GSE1: variants seen among roughly 807,000 people sequenced by gnomAD.
GSE1 encodes the protein Gse1 coiled-coil protein.
GSE1 carries 32 observed loss-of-function variants against 112.6 expected under a neutral mutation model. The observed-to-expected ratio is 0.28, with a 90% confidence interval of 0.21 to 0.38. The LOEUF (loss-of-function observed/expected upper bound fraction) is 0.38, where lower values mean the gene tolerates loss of function less well. Ranked by LOEUF, GSE1 falls within the 10% of genes least tolerant of loss-of-function variation. The probability of loss-of-function intolerance (pLI) is 1.00; values close to 1 mark genes in which losing one functional copy is unlikely to be tolerated. For missense variants in GSE1, 2,348 were observed against 1,699.2 expected, an observed-to-expected ratio of 1.38 and a Z score of -6.71; for synonymous variants, 1,115 against 735.6, an observed-to-expected ratio of 1.52 and a Z score of -8.35.
chr16:85,505,080 T>C (rs899105676), intron 2 of GSE1, among the ~76,000 whole-genome samples: 10 of 152,192 alleles, frequency 6.6e-5, no homozygotes, highest in Non-Finnish European at 1.3e-4. Flanking sequence ...CAAATTTGCC[T>C]TCTCCTTTTC....
At chr16:85,613,516 C>T in intron 1 of GSE1, 118 bp downstream of exon 1, 1 of 941,894 alleles carries the variant, frequency 1.1e-6, no homozygotes, top group Non-Finnish European at 1.6e-6. Context: ...GGCAACTTCC[C>T]CGGAGTGTTA....
chr16:85,637,264 G>A (rs966676077), intron 2 of GSE1, among the ~76,000 whole-genome samples: 29 of 152,340 alleles, frequency 1.9e-4, no homozygotes, highest in Admixed American at 1.3e-3. Context: ...GGGCTGGCGC[G>A]GTGCGTGTCT....
intron 1 of GSE1, among the ~76,000 whole-genome samples, chr16:85,330,356 G>T (rs141884585): frequency 6.6e-6 from 1 of 152,350 alleles, no homozygotes; most frequent in Non-Finnish European, 1.5e-5. Flanking sequence ...GAACGCAGGG[G>T]CCTGGAGAAG....
Position 85,657,362 on chromosome 16 carries a change from C to A in GSE1, c.1398C>A (p.Pro466=). 1 of 1,612,354 alleles carries A rather than the reference C, an allele frequency of 6.2e-7. No individual in the cohort carries two copies. Among genetic ancestry groups the A allele is most frequent in the Middle Eastern group, 1.7e-4 (1 of 6,054 alleles). Residue 466 remains proline (P), a synonymous_variant, in exon 8 of 16, where the codon CCC becomes CCA. Coordinates refer to ENST00000253458, the MANE Select transcript of GSE1 (RefSeq NM_014615.5). ...TGCCCACCCCACACCACACGGTGCC[C>A]AGCCTCATCTCCAACCATGGCATCT... ...HPVPTPHHTV[P]SLISNHGIFS...
intron 2 of GSE1, among the ~76,000 whole-genome samples, chr16:85,412,601 A>C (rs71372921): frequency 4.2e-4 from 1 of 2,402 alleles, no homozygotes. Flanking sequence ...CACTCAGGGC[A>C]CCTGGATAAT....
chr16:85,635,457 A>G (rs1209317307), intron 2 of GSE1, among the ~76,000 whole-genome samples: 2 of 152,196 alleles, frequency 1.3e-5, no homozygotes, highest in African/African-American at 4.8e-5. Context: ...GCTGCAGGCA[A>G]GATGGCTCAG....
intron 2 of GSE1, among the ~76,000 whole-genome samples, chr16:85,395,556 C>A (rs915349364): frequency 6.6e-6 from 1 of 152,192 alleles, no homozygotes; most frequent in African/African-American, 2.4e-5. Flanking sequence ...CAGCAGCCAG[C>A]ACCCAGCTCT....
chr16:85,640,272 C>A (rs1357260225), intron 2 of GSE1, among the ~76,000 whole-genome samples: 1 of 152,208 alleles, frequency 6.6e-6, no homozygotes, highest in Non-Finnish European at 1.5e-5. Flanking sequence ...CGGCCGGGGG[C>A]TCATGGTACC....
chr16:85,348,367 G>A (rs115081800), intron 1 of GSE1, among the ~76,000 whole-genome samples: 2,573 of 152,096 alleles, frequency 0.017, 77 homozygotes, highest in African/African-American at 0.059. Context: ...AACCCATCCA[G>A]TTTAAAGCTA....
chr16:85,372,486 CAAAA>C (rs3030350), intron 2 of GSE1, among the ~76,000 whole-genome samples: 245 of 87,560 alleles, frequency 2.8e-3, no homozygotes, highest in South Asian at 6.7e-3. Flanking sequence ...CTCTGTCTCA[CAAAA>C]AAAAAAAAAA....
At chr16:85,249,053 G>T (rs1906170850) in intron 1 of GSE1, among the ~76,000 whole-genome samples, 1 of 152,238 alleles carries the variant, frequency 6.6e-6, no homozygotes, top group Non-Finnish European at 1.5e-5. Flanking sequence ...TCTGGATCAA[G>T]CCATGCCTGA....
chr16:85,658,244 G>C (rs1598639717), intron 8 of GSE1, among the ~76,000 whole-genome samples: 1 of 152,074 alleles, frequency 6.6e-6, no homozygotes, highest in African/African-American at 2.4e-5. Context: ...AGGCCCCCAC[G>C]TCATATACCC....
At chr16:85,260,198 C>G (rs888103125) in intron 1 of GSE1, among the ~76,000 whole-genome samples, 1 of 152,224 alleles carries the variant, frequency 6.6e-6, no homozygotes. Flanking sequence ...CCCATGGTAC[C>G]TGGACACCTG....
intron 1 of GSE1, among the ~76,000 whole-genome samples, chr16:85,339,155 C>G (rs2046568895): frequency 6.6e-6 from 1 of 152,186 alleles, no homozygotes; most frequent in African/African-American, 2.4e-5. Flanking sequence ...TCCCTCCCCA[C>G]CAGCCAGGCC....
At chr16:85,640,629 C>G (rs969788188) in intron 2 of GSE1, among the ~76,000 whole-genome samples, 2 of 152,366 alleles carry the variant, frequency 1.3e-5, no homozygotes, top group African/African-American at 4.8e-5. Flanking sequence ...GGACCACAGA[C>G]CCATCCTCAT....
At chr16:85,501,070 G>T (rs1177374768) in intron 2 of GSE1, among the ~76,000 whole-genome samples, 2 of 125,298 alleles carry the variant, frequency 1.6e-5, no homozygotes, top group Non-Finnish European at 3.1e-5. Context: ...GCACGATCTC[G>T]GCTCACTGCA....
intron 2 of GSE1, among the ~76,000 whole-genome samples, chr16:85,395,920 G>T (rs1443598476): frequency 6.6e-6 from 1 of 152,134 alleles, no homozygotes; most frequent in African/African-American, 2.4e-5. Context: ...GAGTCCCGGC[G>T]GCCTGAGTCC....
At chr16:85,555,611 G>A, upstream of GSE1, 1 of 682,176 alleles carries the variant, frequency 1.5e-6, no homozygotes, top group Non-Finnish European at 1.6e-6. Context: ...TCCTCACCCA[G>A]TAGCTAAGGG....
chr16:85,235,364 T>G (rs926859571), intron 1 of GSE1, among the ~76,000 whole-genome samples: 1 of 148,200 alleles, frequency 6.7e-6, no homozygotes, highest in African/African-American at 2.5e-5. Flanking sequence ...CCCTCCCACC[T>G]CAGAGAGGCC....
Sources: gnomAD v4.1 joint callset for allele counts (sites outside exome capture counted in the v4.1 genomes callset) on GRCh38, gnomAD v4.1.1 for gene constraint, MANE v1.5 for transcripts, NCBI Gene and HGNC (gene_info 2026-07-23, HGNC 2026-07-21) for gene names.